ARHGEF6: variants seen among roughly 807,000 people sequenced by gnomAD.
The protein encoded by ARHGEF6 is rho guanine nucleotide exchange factor 6.
A neutral mutation model predicts 70.3 loss-of-function variants in ARHGEF6; 9 were observed. The observed-to-expected ratio is 0.13, with a 90% confidence interval of 0.08 to 0.22. ARHGEF6 has a LOEUF of 0.22. Among genes scored for constraint, ARHGEF6 ranks in the 10% least tolerant of loss-of-function variants. The pLI, the probability that ARHGEF6 is intolerant of heterozygous loss-of-function variation, is 1.00. For missense variants in ARHGEF6, 470 were observed against 563.0 expected (o/e 0.83, Z 1.67); for synonymous variants, 201 against 207.8 (o/e 0.97, Z 0.28).
At chrX:136,699,819 T>C (rs2076548731) in intron 9 of ARHGEF6, among the ~76,000 whole-genome samples, 1 of 111,269 alleles carries the variant, frequency 9.0e-6, no homozygotes, top group East Asian at 2.8e-4. Flanking sequence ...TGTTCCATAG[T>C]GAAGATCAGA....
At chrX:136,703,465 C>T (rs144941013) in intron 9 of ARHGEF6, among the ~76,000 whole-genome samples, 10 of 112,354 alleles carry the variant, frequency 8.9e-5, no homozygotes, top group Non-Finnish European at 3.8e-5. Context: ...TCCAAAAGTG[C>T]GTACTCACTT....
At chrX:136,757,811 C>G (rs749101930) in intron 2 of ARHGEF6, among the ~76,000 whole-genome samples, 1 of 111,577 alleles carries the variant, frequency 9.0e-6, no homozygotes, top group East Asian at 2.8e-4. Context: ...CCCACAGTGC[C>G]AGGCATGGTG....
Position 136,745,404 on chromosome X carries a change from C to A in ARHGEF6, c.335-57G>T, listed in dbSNP as rs1235289798. 3 of 1,172,740 alleles carry A rather than the reference C, an allele frequency of 2.6e-6. No homozygotes were observed. The East Asian group carries it at 8.9e-5, about 35-fold the overall frequency. On this transcript the variant is annotated intron_variant, in intron 3 of 21. Transcript: ENST00000250617. ...ACCACTCAGATCAGAAAAACATCTACCGCATAACATTATCTTTCTCAGGAT... is the reference window on the plus strand; with the variant it reads ...ACCACTCAGATCAGAAAAACATCTAACGCATAACATTATCTTTCTCAGGAT...
chrX:136,746,561 G>A (rs1264451909), intron 3 of ARHGEF6, among the ~76,000 whole-genome samples: 1 of 111,557 alleles, frequency 9.0e-6, no homozygotes, highest in Non-Finnish European at 1.9e-5. Flanking sequence ...TCCTTAAATA[G>A]ACAGTAATTT....
rs35106300 is a variant in ARHGEF6, at chrX:136,745,320, C to T, written c.362G>A (p.Arg121His). ...ATTAGCAGCACTAAGAGAAGAGGAA[C>T]GTCCACATGGTCTTTCTGATAGCTG... Reference protein sequence around the residue: ...EDQLSERPCGRSSSLSAANTS... With the variant: ...EDQLSERPCGHSSSLSAANTS... Residue 121 changes from arginine to histidine, a missense_variant, in exon 4 of 22, where the codon CGT becomes CAT. Physicochemically the swap from Arg to His is conservative, Grantham distance 29. Transcript: ENST00000250617. 5.6e-3 allele frequency: 6,830 copies of T among 1,209,615 alleles called. 17 individuals carry two copies. Among genetic ancestry groups the T allele is most frequent in the Non-Finnish European group, 6.6e-3 (5,883 of 894,797 alleles).
At chrX:136,776,894 A>G (rs868136423) in intron 2 of ARHGEF6, among the ~76,000 whole-genome samples, 13,134 of 108,863 alleles carry the variant, frequency 0.12, 1,549 homozygotes, top group African/African-American at 0.37. Context: ...TAAATAAATA[A>G]ATAAATAAAT....
At chrX:136,726,420 G>C (rs968523425) in intron 6 of ARHGEF6, among the ~76,000 whole-genome samples, 1 of 111,619 alleles carries the variant, frequency 9.0e-6, no homozygotes, top group African/African-American at 3.3e-5. Context: ...AGAAATAAGA[G>C]CGGATATGGA....
chrX:136,686,594 GTATATATATA>G lies in ARHGEF6; in HGVS notation c.1246-781_1246-772del, dbSNP rs770923374. On this transcript the variant is annotated intron_variant, in intron 11 of 21. Transcript: ENST00000250617. ...TATATATATGTGTGTGTATGTGTGTGTATATATATATATATATATATATATATACACATAT... is the reference window on the plus strand; with the variant it reads ...TATATATATGTGTGTGTATGTGTGTGTATATATATATATATATACACATAT... 1.2e-4 allele frequency among the ~76,000 whole-genome samples: 7 copies of G among 57,122 alleles called. No individual in the cohort carries two copies. The South Asian group carries it at 4.1e-3, about 34-fold the overall frequency. 49.6% of individuals were successfully genotyped at this position (57,122 alleles called of 115,157 possible).
rs772336856 is a variant in ARHGEF6 at position 136,762,326 on chromosome X, T to A, written c.250-14734A>T. 2.5e-4 allele frequency among the ~76,000 whole-genome samples: 28 copies of A among 112,527 alleles called. No individual in the cohort carries two copies. The South Asian group carries it at 7.6e-3, about 31-fold the overall frequency. On this transcript the variant is annotated intron_variant, in intron 2 of 21. Coordinates refer to ENST00000250617, the MANE Select transcript of ARHGEF6 (RefSeq NM_004840.3). ...CATAACTGAACTAAGTGAACTTTTT[T>A]AAAAATAATGCAATGTTTTTTATCT... is the stretch of plus-strand genomic sequence containing the variant.
intron 2 of ARHGEF6, among the ~76,000 whole-genome samples, chrX:136,748,904 A>G (rs2077123559): frequency 1.8e-5 from 2 of 111,381 alleles, no homozygotes; most frequent in Non-Finnish European, 1.9e-5. Flanking sequence ...TATAATATCA[A>G]TTTTTCACGT....
At chrX:136,738,689 A>C (rs780655099) in intron 5 of ARHGEF6, among the ~76,000 whole-genome samples, 4 of 112,583 alleles carry the variant, frequency 3.6e-5, no homozygotes, top group Non-Finnish European at 7.5e-5. Context: ...CAAGACAGAG[A>C]CTGACACCCT....
intron 2 of ARHGEF6, chrX:136,767,222 C>T: frequency 1.3e-6 from 1 of 755,348 alleles, no homozygotes; most frequent in Non-Finnish European, 1.6e-6. Context: ...GGAAGCCGTT[C>T]GCCCTCCCGA....
intron 2 of ARHGEF6, among the ~76,000 whole-genome samples, chrX:136,758,625 T>G (rs1441927074): frequency 3.6e-5 from 4 of 111,364 alleles, no homozygotes; most frequent in African/African-American, 1.3e-4. Flanking sequence ...TAATTTTCTT[T>G]TTTTTAATTT....
At chrX:136,671,930 C>T in intron 20 of ARHGEF6, 90 bp downstream of exon 20, 2 of 741,322 alleles carry the variant, frequency 2.7e-6, no homozygotes, top group East Asian at 6.4e-5. Flanking sequence ...AGTTGTCCCT[C>T]ATCATAGACT....
intron 2 of ARHGEF6, among the ~76,000 whole-genome samples, chrX:136,758,601 G>A (rs1329383692): frequency 5.4e-5 from 6 of 110,806 alleles, no homozygotes; most frequent in African/African-American, 2.0e-4. Flanking sequence ...ACAGGAGCTA[G>A]TATCTCACAC....
At chrX:136,696,998 G>A (rs932021342) in intron 9 of ARHGEF6, among the ~76,000 whole-genome samples, 4 of 111,157 alleles carry the variant, frequency 3.6e-5, no homozygotes, top group East Asian at 2.8e-4. Context: ...ACGCAGCCCC[G>A]ACACAGGCTG....
Position 136,668,177 on chromosome X carries a change from G to A in ARHGEF6, c.2191-8C>T. 8.3e-7 allele frequency: 1 copy of A among 1,210,805 alleles called. No individual in the cohort carries two copies. The highest frequency in any genetic ancestry group is 1.1e-6 in the Non-Finnish European group (1 of 895,115). On this transcript the variant is annotated splice_polypyrimidine_tract_variant and splice_region_variant and intron_variant, in intron 21 of 21. Coordinates refer to ENST00000250617, the MANE Select transcript of ARHGEF6 (RefSeq NM_004840.3). Reference sequence around the variant, plus strand: ...CTTCATTCTTTTATTTTCCTATGATGGGGAAAGATTTGTTGATTATCAAAC... The same window carrying A: ...CTTCATTCTTTTATTTTCCTATGATAGGGAAAGATTTGTTGATTATCAAAC...
chrX:136,756,259 C>A lies in ARHGEF6; in HGVS notation c.250-8667G>T, dbSNP rs2077205519. On this transcript the variant is annotated intron_variant, in intron 2 of 21. Transcript: ENST00000250617. ...CATCAGCAAAATTAAGCTCTGTGAC[C>A]ACGAGGTGACCAAAGGTGCTTCAGA... Among the ~76,000 whole-genome samples the A allele has an allele frequency of 3.6e-5, 4 of 111,425 alleles. No individual in the cohort carries two copies. The South Asian group carries it at 1.5e-3, about 42-fold the overall frequency.
chrX:136,769,576 A>G (rs185762649), intron 2 of ARHGEF6, among the ~76,000 whole-genome samples: 1 of 111,489 alleles, frequency 9.0e-6, no homozygotes, highest in Non-Finnish European at 1.9e-5. Context: ...CAGGAAAACC[A>G]TAGGTTTAGA....
Sources: allele counts gnomAD v4.1 joint callset (sites outside exome capture counted in the v4.1 genomes callset), GRCh38; gene constraint gnomAD v4.1.1; transcripts MANE v1.5; gene names NCBI Gene and HGNC (gene_info 2026-07-23, HGNC 2026-07-21).